The following TOGARAM1 variants were observed in gnomAD, a reference collection of about 807,000 sequenced individuals.
The protein encoded by TOGARAM1 is TOG array regulator of axonemal microtubules 1.
A neutral mutation model predicts 166.6 loss-of-function variants in TOGARAM1; 100 were observed. The observed-to-expected ratio is 0.60, with a 90% CI of 0.51 to 0.71. The LOEUF is 0.71. Ranked by LOEUF, TOGARAM1 falls within the 30% of genes least tolerant of loss-of-function variation. The probability of loss-of-function intolerance (pLI) is 0.00; values close to 1 mark genes in which losing one functional copy is unlikely to be tolerated. For synonymous variants in TOGARAM1, 758 were observed against 763.8 expected (o/e 0.99, Z 0.13); for missense variants, 2,029 against 2,102.7 (o/e 0.96, Z 0.69).
chr14:45,012,798 A>G (rs766001630), intron 7 of TOGARAM1, among the ~76,000 whole-genome samples: 1 of 152,176 alleles, frequency 6.6e-6, no homozygotes, highest in African/African-American at 2.4e-5. Flanking sequence ...TATGTATTTG[A>G]TTATTTGCTA....
At chr14:45,016,076 G>A (rs1224822811) in intron 7 of TOGARAM1, among the ~76,000 whole-genome samples, 3 of 151,468 alleles carry the variant, frequency 2.0e-5, no homozygotes, top group African/African-American at 7.3e-5. Context: ...TTTTTTTAGT[G>A]TAAAGTTAAA....
intron 1 of TOGARAM1, among the ~76,000 whole-genome samples, chr14:44,975,265 T>C (rs1482514586): frequency 3.3e-5 from 5 of 152,168 alleles, no homozygotes; most frequent in Non-Finnish European, 7.3e-5. Flanking sequence ...GGTGAAAGCC[T>C]AAACATAATA....
chr14:45,016,888 A>C (rs1003170030), intron 7 of TOGARAM1, among the ~76,000 whole-genome samples: 1 of 152,136 alleles, frequency 6.6e-6, no homozygotes, highest in Admixed American at 6.5e-5. Context: ...AAGTTGAGAT[A>C]GGTTTAGAGG....
chr14:45,002,117 A>C (rs527418184), intron 3 of TOGARAM1, among the ~76,000 whole-genome samples: 79 of 152,246 alleles, frequency 5.2e-4, no homozygotes, highest in Admixed American at 1.9e-3. Context: ...CATTTTAACT[A>C]CCCTTTTTTG....
chr14:45,044,962 T>C (rs111351407), intron 13 of TOGARAM1, 92 bp downstream of exon 13: 1 of 849,726 alleles, frequency 1.2e-6, no homozygotes, highest in Admixed American at 3.1e-5. Context: ...ATCTTAGTAG[T>C]ATATCAGTCA....
chr14:44,972,541 A>T (rs1275300949), intron 1 of TOGARAM1, among the ~76,000 whole-genome samples: 1 of 152,044 alleles, frequency 6.6e-6, no homozygotes, highest in Non-Finnish European at 1.5e-5. Context: ...GCCTCATTTA[A>T]TTTGACACTG....
chr14:44,972,358 A>T (rs1885933444), intron 1 of TOGARAM1, among the ~76,000 whole-genome samples: 2 of 152,134 alleles, frequency 1.3e-5, no homozygotes, highest in South Asian at 4.1e-4. Flanking sequence ...TTGTTGGATA[A>T]AGTAATCTAT....
chr14:45,066,203 A>T (rs1351260513), intron 16 of TOGARAM1, among the ~76,000 whole-genome samples: 1 of 152,142 alleles, frequency 6.6e-6, no homozygotes, highest in Non-Finnish European at 1.5e-5. Flanking sequence ...GTCATAACTC[A>T]TTGCTGAAGG....
chr14:45,005,239 A>C (rs1389180135), intron 4 of TOGARAM1, among the ~76,000 whole-genome samples: 1 of 152,160 alleles, frequency 6.6e-6, no homozygotes, highest in Admixed American at 6.5e-5. Flanking sequence ...ATTTGTTATA[A>C]ACTAAAATAT....
intron 1 of TOGARAM1, among the ~76,000 whole-genome samples, chr14:44,976,605 T>A (rs1316521120): frequency 6.6e-6 from 1 of 152,120 alleles, no homozygotes; most frequent in African/African-American, 2.4e-5. Context: ...ATCTCAAGTG[T>A]AGATCATTTA....
intron 1 of TOGARAM1, among the ~76,000 whole-genome samples, chr14:44,982,997 A>G (rs1242119065): frequency 1.3e-5 from 2 of 152,336 alleles, no homozygotes; most frequent in South Asian, 2.1e-4. Flanking sequence ...ACCAAGCAAG[A>G]TAACAGCACA....
intron 18 of TOGARAM1, 57 bp downstream of exon 18, chr14:45,068,700 A>G (rs533754813): frequency 1.5e-6 from 2 of 1,333,270 alleles, no homozygotes; most frequent in Middle Eastern, 1.9e-4. Flanking sequence ...ATGTTTTCTG[A>G]TTCCATCCAT....
chr14:44,995,025 T>C (rs1013930183), intron 1 of TOGARAM1, among the ~76,000 whole-genome samples: 1 of 152,202 alleles, frequency 6.6e-6, no homozygotes, highest in Admixed American at 6.5e-5. Context: ...TGTGAAGTGA[T>C]CCGGGACAAT....
At chr14:44,981,962 C>A (rs1886562627) in intron 1 of TOGARAM1, among the ~76,000 whole-genome samples, 2 of 151,740 alleles carry the variant, frequency 1.3e-5, no homozygotes, top group Non-Finnish European at 2.9e-5. Context: ...TCCTACCTAG[C>A]CTCCTGAATA....
At chr14:45,026,550 C>G (rs1376122989) in intron 8 of TOGARAM1, among the ~76,000 whole-genome samples, 1 of 152,142 alleles carries the variant, frequency 6.6e-6, no homozygotes, top group African/African-American at 2.4e-5. Flanking sequence ...CCCGGCCAAG[C>G]TCATTTATTC....
chr14:45,009,213 T>G, intron 6 of TOGARAM1, 68 bp downstream of exon 6: 1 of 1,164,474 alleles, frequency 8.6e-7, no homozygotes, highest in Non-Finnish European at 1.2e-6. Flanking sequence ...CCTAATATCA[T>G]ATTTGTAAAA....
At chr14:45,014,376 T>C (rs1879994786) in intron 7 of TOGARAM1, among the ~76,000 whole-genome samples, 2 of 152,188 alleles carry the variant, frequency 1.3e-5, no homozygotes, top group African/African-American at 4.8e-5. Context: ...CATGAATTCA[T>C]CTTTCTGGTT....
intron 4 of TOGARAM1, among the ~76,000 whole-genome samples, chr14:45,005,374 G>A (rs144251295): frequency 6.6e-6 from 1 of 152,218 alleles, no homozygotes; most frequent in African/African-American, 2.4e-5. Flanking sequence ...TAGCACTTTG[G>A]GAGGCCGAGG....
chr14:44,962,276 T>G lies in TOGARAM1; in HGVS notation c.-146T>G. Reference sequence around the variant, plus strand: ...TTTTGCCAGAGGCTGCCTCCCGGAGTTGGGGGCGGCCTGGCGGCAGGCTGA... The same window carrying G: ...TTTTGCCAGAGGCTGCCTCCCGGAGGTGGGGGCGGCCTGGCGGCAGGCTGA... On this transcript the variant is annotated 5_prime_UTR_variant, in exon 1 of 20. Transcript: ENST00000361462. 8.0e-6 allele frequency: 8 copies of G among 1,000,128 alleles called. No homozygotes were observed. Among genetic ancestry groups the G allele is most frequent in the Non-Finnish European group, 9.6e-6 (7 of 728,912 alleles). 62.0% of individuals were successfully genotyped at this position (1,000,128 alleles called of 1,614,324 possible). A position where few individuals can be genotyped will look rare whatever the true frequency, so the allele number is the denominator to read the frequency against.
Sources: gnomAD v4.1 joint callset for allele counts (sites outside exome capture counted in the v4.1 genomes callset) on GRCh38, gnomAD v4.1.1 for gene constraint, MANE v1.5 for transcripts, NCBI Gene and HGNC (gene_info 2026-07-23, HGNC 2026-07-21) for gene names.